ORC2: variants seen among roughly 807,000 people sequenced by gnomAD.
The protein encoded by ORC2 is origin recognition complex protein 2 homolog.
A neutral mutation model predicts 77.7 loss-of-function variants in ORC2; 37 were observed. The ratio of observed to expected loss-of-function variants is 0.48; its 90% CI spans 0.37 to 0.63. The LOEUF is 0.63. Among genes scored for constraint, ORC2 ranks in the 20% least tolerant of loss-of-function variants. ORC2 has a pLI of 0.00. For synonymous variants in ORC2, 201 were observed against 229.5 expected, an observed-to-expected ratio of 0.88 and a Z score of 1.12; for missense variants, 557 against 661.9, an observed-to-expected ratio of 0.84 and a Z score of 1.74.
At chr2:200,919,379 A>G (rs545104632) in intron 15 of ORC2, among the ~76,000 whole-genome samples, 2 of 151,770 alleles carry the variant, frequency 1.3e-5, no homozygotes, top group African/African-American at 4.8e-5. Context: ...TATTTTTTTG[A>G]GACAGAGATT....
chr2:200,957,329 T>C, intron 4 of ORC2, 72 bp downstream of exon 4: 1 of 1,110,104 alleles, frequency 9.0e-7, no homozygotes. Flanking sequence ...CCTACCAGAC[T>C]ACTTTTGTGT....
At chr2:200,938,486 A>G (rs529773530) in intron 7 of ORC2, among the ~76,000 whole-genome samples, 2 of 152,130 alleles carry the variant, frequency 1.3e-5, no homozygotes, top group Non-Finnish European at 2.9e-5. Flanking sequence ...AGAGATTTAC[A>G]CTTTCTTACT....
intron 4 of ORC2, among the ~76,000 whole-genome samples, chr2:200,953,485 G>C (rs1453932922): frequency 6.6e-6 from 1 of 151,602 alleles, no homozygotes; most frequent in Non-Finnish European, 1.5e-5. Flanking sequence ...GTACACTGTA[G>C]GTTGATATGT....
At position 200,914,064 on chromosome 2, in the gene ORC2, T is replaced by C. The variant is rs978820552; in HGVS notation, c.1467-72A>G. 1.6e-5 allele frequency: 15 copies of C among 925,738 alleles called. No homozygotes were observed. In the Admixed American group the frequency reaches 3.3e-4, roughly 20 times the overall value. The allele number at this position is 925,738 out of a possible 1,614,324, so 57.3% of individuals were successfully genotyped here. On this transcript the variant is annotated intron_variant, in intron 15 of 17. Transcript: ENST00000234296. ...CAAAAGGTAACAACTAATAGTAAAA[T>C]ACACAAAGAAAATGTCAAGTAGTTG...
At chr2:200,939,373 A>G (rs145425209) in intron 7 of ORC2, among the ~76,000 whole-genome samples, 2 of 152,208 alleles carry the variant, frequency 1.3e-5, no homozygotes, top group Non-Finnish European at 2.9e-5. Flanking sequence ...TTCCTGCTCA[A>G]AAAGACAAGA....
intron 13 of ORC2, 175 bp from the exon 14 acceptor site, chr2:200,921,314 T>G: frequency 2.8e-6 from 1 of 362,292 alleles, no homozygotes; most frequent in Non-Finnish European, 4.9e-6. Context: ...CACACCACCA[T>G]GCCTGGCTAA....
At chr2:200,918,486 C>A (rs889230315) in intron 15 of ORC2, among the ~76,000 whole-genome samples, 1 of 150,852 alleles carries the variant, frequency 6.6e-6, no homozygotes, top group African/African-American at 2.4e-5. Context: ...TTTCTTTTTT[C>A]TTCTTTCTTT....
intron 7 of ORC2, among the ~76,000 whole-genome samples, chr2:200,938,684 T>A (rs890643783): frequency 2.6e-5 from 4 of 152,058 alleles, no homozygotes; most frequent in African/African-American, 7.3e-5. Context: ...GACAAAAAAA[T>A]TTAAGTTTAT....
chr2:200,921,201 C>G (rs750927804), intron 13 of ORC2, 62 bp from the exon 14 acceptor site: 5 of 1,163,104 alleles, frequency 4.3e-6, no homozygotes, highest in Non-Finnish European at 5.9e-6. Flanking sequence ...ACTCTGTTGC[C>G]TAGGCTAGAG....
chr2:200,955,613 T>A (rs1463609821), intron 4 of ORC2, among the ~76,000 whole-genome samples: 2 of 152,188 alleles, frequency 1.3e-5, no homozygotes, highest in African/African-American at 2.4e-5. Flanking sequence ...TTTATAAGTA[T>A]GTGAGAATAA....
In ORC2 at chr2:200,913,952, G is replaced by T. The variant is rs760742335; in HGVS notation, c.1507C>A (p.Gln503Lys). ...ATACCAATGTAAGAAGGGTTATCCT[G>T]GTTGTCCAGCTGGTATTTTATTAGT... The part of the protein sequence containing the change: ...RLLIKYQLDN[Q>K]DNPSYIGLSF... The change falls in exon 16 of 18, where the codon CAG becomes AAG. Residue 503 changes from glutamine to lysine, a missense_variant. By Grantham distance (53) the Gln-to-Lys change is moderately conservative. Transcript: ENST00000234296. 5.0e-6 allele frequency: 8 copies of T among 1,588,192 alleles called. No homozygotes were observed. The highest frequency in any genetic ancestry group is 5.1e-6 in the Non-Finnish European group (6 of 1,171,206).
Position 200,952,943 on chromosome 2 carries a change from C to T in ORC2, c.239-3300G>A, listed in dbSNP as rs532590246. Reference sequence around the variant, plus strand: ...CCTGGTCAACATGGTGAGACTCCACCTCTACAAAATATACAAAAACTAGCC... The same window carrying T: ...CCTGGTCAACATGGTGAGACTCCACTTCTACAAAATATACAAAAACTAGCC... On this transcript the variant is annotated intron_variant, in intron 4 of 17. Transcript: ENST00000234296. 5.3e-5 allele frequency among the ~76,000 whole-genome samples: 8 copies of T among 151,714 alleles called. No homozygotes were observed. In the East Asian group the frequency reaches 1.4e-3, roughly 26 times the overall value.
At position 200,920,270 on chromosome 2, in the gene ORC2, G is replaced by A. The variant is rs1233770154; in HGVS notation, c.1418C>T (p.Pro473Leu). The A allele has an allele frequency of 1.2e-6, 2 of 1,613,822 alleles. No individual in the cohort carries two copies. The highest frequency in any genetic ancestry group is 8.5e-7 in the Non-Finnish European group (1 of 1,179,818). The part of the protein sequence containing the change: ...SLLVKQSGSL[P>L]LSSLTHVLRS... Reference sequence around the variant, plus strand: ...TAAGACATGAGTAAGGGAGCTAAGTGGCAGGGATCCAGACTGCTTTACCAG... The same window carrying A: ...TAAGACATGAGTAAGGGAGCTAAGTAGCAGGGATCCAGACTGCTTTACCAG... Residue 473 changes from proline (P) to leucine (L), a missense_variant, in exon 15 of 18, where the codon CCA (proline) becomes CTA (leucine). Coordinates refer to ENST00000234296, the MANE Select transcript of ORC2 (RefSeq NM_006190.5).
At chr2:200,951,321 A>G (rs750779420) in intron 4 of ORC2, among the ~76,000 whole-genome samples, 9 of 145,246 alleles carry the variant, frequency 6.2e-5, no homozygotes, top group Non-Finnish European at 1.1e-4. Context: ...TGAAATTGCT[A>G]TAAAGGTCCA....
chr2:200,942,563 T>C, intron 6 of ORC2, 122 bp downstream of exon 6: 1 of 520,198 alleles, frequency 1.9e-6, no homozygotes, highest in South Asian at 3.4e-5. Context: ...TGCATTTTGT[T>C]GAATGAATTT....
chr2:200,930,597 T>C (rs1400924760), intron 11 of ORC2, among the ~76,000 whole-genome samples: 4 of 151,616 alleles, frequency 2.6e-5, no homozygotes, highest in Non-Finnish European at 5.9e-5. Flanking sequence ...ACTGGGATTA[T>C]GGGAGGCCAA....
At chr2:200,931,940 G>C (rs1010417680) in intron 10 of ORC2, among the ~76,000 whole-genome samples, 7 of 152,158 alleles carry the variant, frequency 4.6e-5, no homozygotes, top group African/African-American at 1.7e-4. Flanking sequence ...TCATGCTGAT[G>C]AATCAGAGAT....
At chr2:200,925,464 G>A (rs1167360708) in intron 13 of ORC2, among the ~76,000 whole-genome samples, 1 of 152,188 alleles carries the variant, frequency 6.6e-6, no homozygotes, top group Non-Finnish European at 1.5e-5. Context: ...TTTGGGCCAG[G>A]TGTGGTGGCT....
chr2:200,942,124 A>C (rs2041165356), intron 6 of ORC2, among the ~76,000 whole-genome samples: 1 of 152,164 alleles, frequency 6.6e-6, no homozygotes, highest in African/African-American at 2.4e-5. Flanking sequence ...AGGCTTTAAT[A>C]GTGTGCTGTA....
Sources: gnomAD v4.1 joint callset for allele counts (sites outside exome capture counted in the v4.1 genomes callset) on GRCh38, gnomAD v4.1.1 for gene constraint, MANE v1.5 for transcripts, NCBI Gene and HGNC (gene_info 2026-07-23, HGNC 2026-07-21) for gene names.